The following GHR variants were observed in gnomAD, a reference collection of about 807,000 sequenced individuals.
The protein encoded by GHR is GH receptor.
GHR carries 35 observed loss-of-function variants against 67.1 expected under a neutral mutation model. The observed-to-expected ratio is 0.52, with a 90% CI of 0.40 to 0.69. The LOEUF is 0.69. GHR is among the 30% of genes least tolerant of loss of function. GHR has a pLI of 0.00. For synonymous variants in GHR, 272 were observed against 269.1 expected, an observed-to-expected ratio of 1.01 and a Z score of -0.10; for missense variants, 792 against 764.6, an observed-to-expected ratio of 1.04 and a Z score of -0.42.
At chr5:42,691,703 A>G (rs1333792403) in intron 4 of GHR, among the ~76,000 whole-genome samples, 2 of 152,256 alleles carry the variant, frequency 1.3e-5, no homozygotes, top group Non-Finnish European at 2.9e-5. Context: ...GGCTGTCAAC[A>G]GGACAGTTCA....
intron 3 of GHR, among the ~76,000 whole-genome samples, chr5:42,652,127 C>T (rs1415286089): frequency 2.0e-5 from 3 of 152,150 alleles, no homozygotes; most frequent in Non-Finnish European, 4.4e-5. Context: ...ATACATCTCA[C>T]TTCCTATACC....
chr5:42,606,468 G>C (rs1272099654), intron 2 of GHR, among the ~76,000 whole-genome samples: 1 of 152,166 alleles, frequency 6.6e-6, no homozygotes, highest in Non-Finnish European at 1.5e-5. Context: ...AGGGGAGTTG[G>C]CATGTAGAAA....
chr5:42,690,660 G>A (rs112384193), intron 4 of GHR, among the ~76,000 whole-genome samples: 2,655 of 152,164 alleles, frequency 0.017, 139 homozygotes, highest in South Asian at 0.16. Context: ...AAAATACTTG[G>A]AGTTAGCAAC....
intron 7 of GHR, 46 bp downstream of exon 7, chr5:42,711,418 C>T: frequency 7.3e-7 from 1 of 1,367,806 alleles, no homozygotes. Flanking sequence ...TGGCTTTTGT[C>T]AATATAACAG....
intron 2 of GHR, among the ~76,000 whole-genome samples, chr5:42,578,442 C>T (rs1750887628): frequency 6.6e-6 from 1 of 152,030 alleles, no homozygotes; most frequent in Non-Finnish European, 1.5e-5. Context: ...AATAAATTAA[C>T]CTTAAGAGGC....
intron 1 of GHR, among the ~76,000 whole-genome samples, chr5:42,540,762 A>G (rs1202476510): frequency 6.6e-6 from 1 of 151,910 alleles, no homozygotes; most frequent in Non-Finnish European, 1.5e-5. Context: ...AACAACCACA[A>G]ACTACATTGC....
At chr5:42,444,835 C>T (rs529922742) in intron 1 of GHR, among the ~76,000 whole-genome samples, 1 of 152,250 alleles carries the variant, frequency 6.6e-6, no homozygotes, top group East Asian at 1.9e-4. Context: ...TGCTATGATC[C>T]TTCCCCTTTC....
rs139616451 is a variant in GHR, at chr5:42,589,131, A to G, written c.70+23187A>G. On this transcript the variant is annotated intron_variant, in intron 2 of 9. Coordinates refer to ENST00000230882, the MANE Select transcript of GHR (RefSeq NM_000163.5). ...TTTCTGGGCTCATAGAAATAATCTA[A>G]CCATTCTAAAATATTGATGGGGATT... Among the ~76,000 whole-genome samples, 1,070 of 152,296 alleles carry G rather than the reference A, an allele frequency of 7.0e-3. 8 individuals are homozygous for G. Among genetic ancestry groups the G allele is most frequent in the Non-Finnish European group, 0.011 (779 of 68,008 alleles).
At chr5:42,587,061 G>GCTGGGC (rs1380675941) in intron 2 of GHR, among the ~76,000 whole-genome samples, 1 of 148,834 alleles carries the variant, frequency 6.7e-6, no homozygotes, top group Non-Finnish European at 1.5e-5. Context: ...ATTAACTACA[G>GCTGGGC]CTGGGCTTAT....
intron 1 of GHR, among the ~76,000 whole-genome samples, chr5:42,456,929 G>A (rs1004607168): frequency 3.9e-5 from 6 of 152,108 alleles, no homozygotes; most frequent in Admixed American, 6.5e-5. Context: ...GGAGGGAGGC[G>A]GAAGAGGACT....
intron 2 of GHR, among the ~76,000 whole-genome samples, chr5:42,616,599 C>G (rs765319834): frequency 6.7e-6 from 1 of 150,328 alleles, no homozygotes; most frequent in African/African-American, 2.5e-5. Flanking sequence ...GAGGCTCAGA[C>G]TAAGATAGAA....
chr5:42,713,651 T>A (rs6880730), intron 8 of GHR, 132 bp downstream of exon 8: 7,471 of 665,004 alleles, frequency 0.011, 301 homozygotes, highest in African/African-American at 0.1. Flanking sequence ...TACACTTTTA[T>A]CTCCAGTTAT....
intron 3 of GHR, among the ~76,000 whole-genome samples, chr5:42,683,168 A>T (rs1756972365): frequency 6.6e-6 from 1 of 151,748 alleles, no homozygotes; most frequent in Admixed American, 6.6e-5. Flanking sequence ...TGCCCAGCTA[A>T]TTTTTCTATT....
intron 1 of GHR, among the ~76,000 whole-genome samples, chr5:42,503,034 T>G (rs915221464): frequency 1.3e-5 from 2 of 152,108 alleles, no homozygotes; most frequent in African/African-American, 4.8e-5. Context: ...TTACAAGGTG[T>G]ACTCTTGCCA....
chr5:42,587,743 G>T (rs936477920), intron 2 of GHR, among the ~76,000 whole-genome samples: 5 of 151,924 alleles, frequency 3.3e-5, no homozygotes, highest in African/African-American at 1.2e-4. Context: ...CTGGCACAGG[G>T]AGACCACAAA....
intron 2 of GHR, among the ~76,000 whole-genome samples, chr5:42,611,047 T>C (rs905408175): frequency 4.6e-5 from 7 of 152,214 alleles, no homozygotes; most frequent in Admixed American, 4.6e-4. Flanking sequence ...TACTATCTTA[T>C]GCTCCAGATA....
intron 2 of GHR, among the ~76,000 whole-genome samples, chr5:42,624,277 A>C (rs1395553000): frequency 6.6e-6 from 1 of 152,142 alleles, no homozygotes; most frequent in Non-Finnish European, 1.5e-5. Context: ...TCCAGGCCAG[A>C]GCTTTGGCTC....
At chr5:42,656,050 A>T (rs193176978) in intron 3 of GHR, among the ~76,000 whole-genome samples, 1 of 152,168 alleles carries the variant, frequency 6.6e-6, no homozygotes, top group Admixed American at 6.5e-5. Flanking sequence ...ATTTTAAATC[A>T]GTATAATCTA....
intron 2 of GHR, among the ~76,000 whole-genome samples, chr5:42,577,733 A>G (rs533738126): frequency 2.4e-4 from 37 of 152,326 alleles, no homozygotes; most frequent in African/African-American, 8.7e-4. Flanking sequence ...TCTTCTTGAA[A>G]TGCATGGAAG....
Sources: gnomAD v4.1 joint callset for allele counts (sites outside exome capture counted in the v4.1 genomes callset) on GRCh38, gnomAD v4.1.1 for gene constraint, MANE v1.5 for transcripts, NCBI Gene and HGNC (gene_info 2026-07-23, HGNC 2026-07-21) for gene names.